Variants in TRPM3 observed in about 807,000 individuals in gnomAD.
The protein encoded by TRPM3 is transient receptor potential cation channel subfamily M member 3.
TRPM3 carries 77 observed loss-of-function variants against 181.2 expected under a neutral mutation model. The ratio of observed to expected loss-of-function variants is 0.42; its 90% CI spans 0.35 to 0.51. TRPM3 has a LOEUF of 0.51. Ranked by LOEUF, TRPM3 falls within the 20% of genes least tolerant of loss-of-function variation. The probability of loss-of-function intolerance (pLI) is 0.01; values close to 1 mark genes in which losing one functional copy is unlikely to be tolerated. For missense variants in TRPM3, 1,759 were observed against 2,196.7 expected, an observed-to-expected ratio of 0.80 and a Z score of 3.98; for synonymous variants, 745 against 796.4, an observed-to-expected ratio of 0.94 and a Z score of 1.09.
chr9:71,377,635 A>G (rs1357618370), intron 1 of TRPM3, among the ~76,000 whole-genome samples: 1 of 151,910 alleles, frequency 6.6e-6, no homozygotes, highest in African/African-American at 2.4e-5. Context: ...TTGAAGTATA[A>G]CATATATAGA....
intron 1 of TRPM3, among the ~76,000 whole-genome samples, chr9:71,288,330 A>G (rs1009685690): frequency 6.6e-6 from 1 of 152,102 alleles, no homozygotes; most frequent in Non-Finnish European, 1.5e-5. Flanking sequence ...CTGTTCGATT[A>G]TTAACAAAAT....
chr9:71,131,287 T>C (rs955232602), intron 1 of TRPM3, among the ~76,000 whole-genome samples: 2 of 152,252 alleles, frequency 1.3e-5, no homozygotes, highest in South Asian at 2.1e-4. Flanking sequence ...ACTCAGATTA[T>C]ATGTGATCTC....
intron 1 of TRPM3, among the ~76,000 whole-genome samples, chr9:71,096,590 A>ACACACTCT (rs1452142664): frequency 0.019 from 1,728 of 89,962 alleles, 34 homozygotes; most frequent in South Asian, 0.038. Flanking sequence ...ACACACACAC[A>ACACACTCT]CTCTCTCTCT....
In TRPM3 at chr9:71,133,292, C is replaced by CTTTTTTTTTTTTTTTTTTTTTTT. The variant is rs761379173; in HGVS notation, c.184-268782_184-268781insAAAAAAAAAAAAAAAAAAAAAAA. Reference sequence around the variant, plus strand: ...CATTTGTAATTCTTCTAGCAAATTGCTTTTTTTTTTTTTTTTTTTGAGACA... The same window carrying CTTTTTTTTTTTTTTTTTTTTTTT: ...CATTTGTAATTCTTCTAGCAAATTGCTTTTTTTTTTTTTTTTTTTTTTTTTTTTTTTTTTTTTTTTTTGAGACA... On this transcript the variant is annotated intron_variant, in intron 1 of 24. Coordinates refer to the TRPM3 transcript ENST00000357533. Among the ~76,000 whole-genome samples, 3 of 72,306 alleles carry CTTTTTTTTTTTTTTTTTTTTTTT rather than the reference C, an allele frequency of 4.1e-5. 1 individual carries two copies. Among genetic ancestry groups the CTTTTTTTTTTTTTTTTTTTTTTT allele is most frequent in the African/African-American group, 9.8e-5 (2 of 20,350 alleles). 47.4% of individuals were successfully genotyped at this position (72,306 alleles called of 152,430 possible). A position where few individuals can be genotyped will look rare whatever the true frequency, so the allele number is the denominator to read the frequency against.
At chr9:71,124,745 T>C (rs1324284718), upstream of TRPM3, among the ~76,000 whole-genome samples, 2 of 152,168 alleles carry the variant, frequency 1.3e-5, no homozygotes, top group East Asian at 3.9e-4. Context: ...CTCAATATAG[T>C]ATTGTACCAC....
chr9:71,115,441 C>T (rs560930054), intron 1 of TRPM3, among the ~76,000 whole-genome samples: 4 of 152,180 alleles, frequency 2.6e-5, no homozygotes, highest in Admixed American at 6.5e-5. Flanking sequence ...TTGTTGAATA[C>T]GTTTTGTTGG....
chr9:71,298,798 C>T (rs1039537007), intron 1 of TRPM3, among the ~76,000 whole-genome samples: 1 of 152,048 alleles, frequency 6.6e-6, no homozygotes, highest in Non-Finnish European at 1.5e-5. Flanking sequence ...GTGCTTTCAC[C>T]TGCAGAATAA....
At chr9:71,428,605 T>C (rs1034630875) in intron 1 of TRPM3, among the ~76,000 whole-genome samples, 3 of 152,214 alleles carry the variant, frequency 2.0e-5, no homozygotes, top group Admixed American at 6.5e-5. Context: ...GTTTATATCA[T>C]TGATGAATCT....
intron 1 of TRPM3, among the ~76,000 whole-genome samples, chr9:71,275,759 A>C (rs910400290): frequency 1.3e-5 from 2 of 152,232 alleles, no homozygotes; most frequent in Non-Finnish European, 2.9e-5. Flanking sequence ...GTTAGAACAA[A>C]ATAGAGAGCC....
In TRPM3 at chr9:70,741,803, C is replaced by A. The variant is rs117510718; in HGVS notation, c.1272+19798G>T. Among the ~76,000 whole-genome samples, 54 of 152,108 alleles carry A rather than the reference C, an allele frequency of 3.6e-4. No individual in the cohort carries two copies. In the East Asian group the frequency reaches 9.1e-3, roughly 26 times the overall value. Reference sequence around the variant, plus strand: ...ATGCAAAAACGTAAGAATGATACAACGGACTTTGGGTACTTGGGGAAAGGG... The same window carrying A: ...ATGCAAAAACGTAAGAATGATACAAAGGACTTTGGGTACTTGGGGAAAGGG... On this transcript the variant is annotated intron_variant, in intron 8 of 25. Coordinates refer to ENST00000677713, the MANE Select transcript of TRPM3 (RefSeq NM_001366145.2).
chr9:70,943,302 A>G (rs931208175), intron 1 of TRPM3, among the ~76,000 whole-genome samples: 2 of 152,238 alleles, frequency 1.3e-5, no homozygotes, highest in African/African-American at 2.4e-5. Flanking sequence ...AACTCTCAAA[A>G]CTTGGCTGAT....
upstream of TRPM3, among the ~76,000 whole-genome samples, chr9:71,122,933 C>T (rs1178325403): frequency 1.3e-5 from 2 of 152,174 alleles, no homozygotes; most frequent in Non-Finnish European, 1.5e-5. Context: ...GGATTGAAGG[C>T]AGTATTAAAA....
At chr9:70,613,664 C>T (rs1414441881) in intron 18 of TRPM3, among the ~76,000 whole-genome samples, 5 of 152,216 alleles carry the variant, frequency 3.3e-5, no homozygotes, top group Non-Finnish European at 5.9e-5. Context: ...TTCCTTCTTT[C>T]CTTCTCCCTG....
chr9:70,970,017 G>A lies in TRPM3; in HGVS notation c.178-105506C>T, dbSNP rs565710178. On this transcript the variant is annotated intron_variant, in intron 1 of 25. Transcript: ENST00000677713. Reference sequence around the variant, plus strand: ...CAAAAGCAGGGTATCAATTAAAGAGGAATCATAAGCAGCAGAAAGAACAAG... The same window carrying A: ...CAAAAGCAGGGTATCAATTAAAGAGAAATCATAAGCAGCAGAAAGAACAAG... 2.0e-5 allele frequency among the ~76,000 whole-genome samples: 3 copies of A among 151,992 alleles called. No homozygotes were observed. The South Asian group carries it at 6.2e-4, about 32-fold the overall frequency.
At position 71,398,559 on chromosome 9, in the gene TRPM3, T is replaced by C. The variant is rs141130506; in HGVS notation, c.183+48094A>G. Among the ~76,000 whole-genome samples the C allele has an allele frequency of 7.3e-3, 1,109 of 152,222 alleles. 14 individuals are homozygous for C. Among genetic ancestry groups the C allele is most frequent in the African/African-American group, 0.025 (1,043 of 41,510 alleles). On this transcript the variant is annotated intron_variant, in intron 1 of 24. Transcript: ENST00000357533. ...CTCAGGAGATCTGATGGTTTAAAAG[T>C]GTATGTCACTTCCCCCAGCTCTCTC...
chr9:70,924,667 C>T (rs1414507019), intron 1 of TRPM3, among the ~76,000 whole-genome samples: 5 of 152,170 alleles, frequency 3.3e-5, no homozygotes, highest in African/African-American at 4.8e-5. Flanking sequence ...TTAGAATACT[C>T]GTCAGGCCAG....
chr9:70,803,146 G>A (rs929522496), intron 6 of TRPM3, among the ~76,000 whole-genome samples: 2 of 151,548 alleles, frequency 1.3e-5, no homozygotes, highest in South Asian at 2.1e-4. Context: ...CAGATGAGAT[G>A]CGGAAGAAAT....
Position 71,418,959 on chromosome 9 carries a change from A to C in TRPM3, c.183+27694T>G, listed in dbSNP as rs75194293. Among the ~76,000 whole-genome samples, 1,038 of 149,644 alleles carry C rather than the reference A, an allele frequency of 6.9e-3. 40 individuals carry two copies. The South Asian group carries it at 0.097, about 14-fold the overall frequency. On this transcript the variant is annotated intron_variant, in intron 1 of 24. Transcript: ENST00000357533. ...ATATATATGTATTATATATACATGT[A>C]AGTGCTTTGAAAACCATAAGGCAAC...
chr9:70,586,741 A>G (rs2132454257), intron 22 of TRPM3, among the ~76,000 whole-genome samples: 1 of 152,320 alleles, frequency 6.6e-6, no homozygotes, highest in Non-Finnish European at 1.5e-5. Flanking sequence ...CTGAGTCTTG[A>G]GAACTGGAGT....
Sources: gnomAD v4.1 joint callset for allele counts (sites outside exome capture counted in the v4.1 genomes callset) on GRCh38, gnomAD v4.1.1 for gene constraint, MANE v1.5 for transcripts, NCBI Gene and HGNC (gene_info 2026-07-23, HGNC 2026-07-21) for gene names.